Variants in NRXN3 observed in about 807,000 individuals in gnomAD.
The protein encoded by NRXN3 is neurexin 3.
In NRXN3, 32 loss-of-function variants were observed where a neutral mutation model predicts 137.6. The observed-to-expected ratio is 0.23, with a 90% CI of 0.18 to 0.31. The LOEUF (loss-of-function observed/expected upper bound fraction) is 0.31. Ranked by LOEUF, NRXN3 falls within the 10% of genes least tolerant of loss-of-function variation. The pLI is 1.00. For synonymous variants in NRXN3, 798 were observed against 784.5 expected (o/e 1.02, Z -0.29); for missense variants, 1,574 against 2,062.5 (o/e 0.76, Z 4.59).
chr14:79,053,878 T>C (rs78926240), intron 15 of NRXN3, among the ~76,000 whole-genome samples: 11,209 of 151,894 alleles, frequency 0.074, 1,252 homozygotes, highest in African/African-American at 0.24. Context: ...TATGCCACAT[T>C]GGGAATGGAA....
chr14:79,778,905 A>G (rs1246040275), intron 19 of NRXN3, among the ~76,000 whole-genome samples: 2 of 152,186 alleles, frequency 1.3e-5, no homozygotes, highest in East Asian at 1.9e-4. Context: ...AGACTTTGGA[A>G]TCTGATAGAT....
chr14:78,646,704 A>G (rs916089522), intron 5 of NRXN3, among the ~76,000 whole-genome samples: 1 of 152,220 alleles, frequency 6.6e-6, no homozygotes, highest in Non-Finnish European at 1.5e-5. Flanking sequence ...CAAATGACAC[A>G]AGACTTAGAG....
At chr14:79,659,797 G>A (rs1423093582) in intron 16 of NRXN3, among the ~76,000 whole-genome samples, 1 of 152,122 alleles carries the variant, frequency 6.6e-6, no homozygotes, top group Non-Finnish European at 1.5e-5. Flanking sequence ...AGCTTTAAGA[G>A]CCATCGCTGT....
chr14:78,937,785 T>A (rs2099345075), intron 10 of NRXN3, among the ~76,000 whole-genome samples: 1 of 152,234 alleles, frequency 6.6e-6, no homozygotes, highest in South Asian at 2.1e-4. Context: ...TTAAAACATT[T>A]CACAACTCAT....
rs2098451138 is a variant in NRXN3 at position 79,645,748 on chromosome 14, T to C, written c.3445-18030T>C. On this transcript the variant is annotated intron_variant, in intron 16 of 20. Coordinates refer to ENST00000335750, the MANE Select transcript of NRXN3 (RefSeq NM_001330195.2). ...AACAATTATGGATGGGAGGGAAGGTTCAGAAAGTTTGGTGACAATACTGGG... is the reference window on the plus strand; with the variant it reads ...AACAATTATGGATGGGAGGGAAGGTCCAGAAAGTTTGGTGACAATACTGGG... Among the ~76,000 whole-genome samples, 2 of 135,570 alleles carry C rather than the reference T, an allele frequency of 1.5e-5. 1 individual carries two copies. The highest frequency in any genetic ancestry group is 1.6e-4 in the Admixed American group (2 of 12,778). The allele number at this position is 135,570 out of a possible 152,430, so 88.9% of individuals were successfully genotyped here. A position where few individuals can be genotyped will look rare whatever the true frequency, so the allele number is the denominator to read the frequency against.
At chr14:78,311,613 C>T (rs2077989230) in intron 4 of NRXN3, among the ~76,000 whole-genome samples, 1 of 152,142 alleles carries the variant, frequency 6.6e-6, no homozygotes, top group Admixed American at 6.6e-5. Flanking sequence ...GTCAATTCTT[C>T]CTCTTCCAAT....
intron 10 of NRXN3, among the ~76,000 whole-genome samples, chr14:78,836,210 A>T (rs768187320): frequency 1.1e-4 from 16 of 152,250 alleles, no homozygotes; most frequent in South Asian, 2.1e-4. Context: ...CAGGCAAGAC[A>T]CAACATGAAA....
At chr14:78,735,894 A>G (rs1017414695) in intron 8 of NRXN3, among the ~76,000 whole-genome samples, 5 of 152,220 alleles carry the variant, frequency 3.3e-5, no homozygotes, top group African/African-American at 9.6e-5. Flanking sequence ...AGGGAAATGT[A>G]TCTAAGACAT....
chr14:79,720,461 T>C (rs953280930), intron 19 of NRXN3, among the ~76,000 whole-genome samples: 1 of 152,116 alleles, frequency 6.6e-6, no homozygotes, highest in African/African-American at 2.4e-5. Context: ...CCACAAGTGG[T>C]TTACTTGTTG....
intron 15 of NRXN3, among the ~76,000 whole-genome samples, chr14:79,427,401 T>C (rs2095670148): frequency 6.6e-6 from 1 of 152,172 alleles, no homozygotes; most frequent in Non-Finnish European, 1.5e-5. Context: ...TAAGTTTTAC[T>C]CTTCCCATTC....
At chr14:78,299,416 G>A (rs1447628242) in intron 4 of NRXN3, among the ~76,000 whole-genome samples, 2 of 152,132 alleles carry the variant, frequency 1.3e-5, no homozygotes, top group African/African-American at 4.8e-5. Flanking sequence ...CACCTTTGGT[G>A]ACAAGTTACA....
intron 4 of NRXN3, among the ~76,000 whole-genome samples, chr14:78,641,658 G>C (rs1237691023): frequency 6.6e-6 from 1 of 152,204 alleles, no homozygotes; most frequent in Non-Finnish European, 1.5e-5. Context: ...TGGTAATGCT[G>C]ATCTTGGTAG....
chr14:78,627,480 T>G, intron 4 of NRXN3, among the ~76,000 whole-genome samples: 1 of 152,194 alleles, frequency 6.6e-6, no homozygotes, highest in Non-Finnish European at 1.5e-5. Flanking sequence ...AGAGCCCTTT[T>G]CCAGAGGCAG....
chr14:79,614,973 T>C (rs1401338747), intron 16 of NRXN3, among the ~76,000 whole-genome samples: 1 of 152,194 alleles, frequency 6.6e-6, no homozygotes, highest in Non-Finnish European at 1.5e-5. Flanking sequence ...GTATTAAAAC[T>C]AGGCTGGGTC....
At chr14:79,620,370 T>C (rs759733119) in intron 16 of NRXN3, among the ~76,000 whole-genome samples, 3 of 152,130 alleles carry the variant, frequency 2.0e-5, no homozygotes, top group African/African-American at 7.2e-5. Context: ...TGTGAAACCA[T>C]GCATATGTGT....
chr14:78,843,530 G>A (rs544237134), intron 10 of NRXN3, among the ~76,000 whole-genome samples: 1 of 152,144 alleles, frequency 6.6e-6, no homozygotes, highest in Admixed American at 6.5e-5. Flanking sequence ...TCTTTTAGGC[G>A]AAATTCACCC....
intron 16 of NRXN3, among the ~76,000 whole-genome samples, chr14:79,530,047 A>G (rs569165544): frequency 6.6e-6 from 1 of 152,308 alleles, no homozygotes; most frequent in African/African-American, 2.4e-5. Context: ...GGAGGAGGAA[A>G]TATCTGGAAA....
chr14:78,817,666 T>C (rs1233482748), intron 10 of NRXN3, among the ~76,000 whole-genome samples: 1 of 152,086 alleles, frequency 6.6e-6, no homozygotes, highest in Non-Finnish European at 1.5e-5. Flanking sequence ...GATCACTTGG[T>C]GAGAGAGGAA....
intron 19 of NRXN3, among the ~76,000 whole-genome samples, chr14:79,803,977 A>G (rs1225107893): frequency 7.0e-6 from 1 of 143,622 alleles, no homozygotes; most frequent in Non-Finnish European, 1.5e-5. Flanking sequence ...GTATGTATGT[A>G]TGTGTATATA....
Sources: gnomAD v4.1 joint callset for allele counts (sites outside exome capture counted in the v4.1 genomes callset) on GRCh38, gnomAD v4.1.1 for gene constraint, MANE v1.5 for transcripts, NCBI Gene and HGNC (gene_info 2026-07-23, HGNC 2026-07-21) for gene names.